The following CLPTM1L variants were observed in gnomAD, a reference collection of about 807,000 sequenced individuals.
CLPTM1L encodes CLPTM1 like.
A neutral mutation model predicts 70.9 loss-of-function variants in CLPTM1L; 38 were observed. The observed-to-expected ratio is 0.54, with a 90% CI of 0.41 to 0.70. The LOEUF is 0.70. CLPTM1L is among the 30% of genes least tolerant of loss of function. The pLI is 0.00. For synonymous variants in CLPTM1L, 339 were observed against 299.9 expected, an observed-to-expected ratio of 1.13 and a Z score of -1.35; for missense variants, 652 against 705.9, an observed-to-expected ratio of 0.92 and a Z score of 0.87.
chr5:1,341,871 A>G lies in CLPTM1L; in HGVS notation c.264-11T>C. On this transcript the variant is annotated splice_polypyrimidine_tract_variant and intron_variant, in intron 2 of 16. Transcript: ENST00000320895. ...GAAACATTAACTGTCCTGAAACAGA[A>G]CAATCATTTCCACTACATACATATT... is the stretch of plus-strand genomic sequence containing the variant. 6.2e-7 allele frequency: 1 copy of G among 1,602,588 alleles called. No individual in the cohort carries two copies. The highest frequency in any genetic ancestry group is 1.3e-5 in the African/African-American group (1 of 74,854).
chr5:1,335,158 G>A lies in CLPTM1L; in HGVS notation c.695C>T (p.Thr232Ile). 6.2e-7 allele frequency: 1 copy of A among 1,613,612 alleles called. No homozygotes were observed. Among genetic ancestry groups the A allele is most frequent in the Non-Finnish European group, 8.5e-7 (1 of 1,179,980 alleles). ...GGACACGGTGAGGGGCAGCTCGGTG[G>A]TGGAGCGGTTTATGACCTGATGAAG... ...VKDLMVINRS[T>I]TELPLTVSYD... The change falls in exon 6 of 17, where the codon ACC (threonine) becomes ATC (isoleucine). Residue 232 changes from threonine to isoleucine, a missense_variant. Around this residue, in one of 3 missense-constraint regions of CLPTM1L, gnomAD observed 402 missense variants for 388.2 expected, o/e 1.04. Coordinates refer to ENST00000320895, the MANE Select transcript of CLPTM1L (RefSeq NM_030782.5).
intron 1 of CLPTM1L, 103 bp downstream of exon 1, chr5:1,344,577 C>G: frequency 4.1e-6 from 6 of 1,463,096 alleles, no homozygotes; most frequent in Non-Finnish European, 5.6e-6. Context: ...CATCTCGACT[C>G]GCGCGGCCAC....
At position 1,318,510 on chromosome 5, in the gene CLPTM1L, AGAG is replaced by A; in HGVS notation, c.1533-60_1533-58del. 7.1e-7 allele frequency: 1 copy of A among 1,409,222 alleles called. No individual in the cohort carries two copies. The highest frequency in any genetic ancestry group is 1.0e-6 in the Non-Finnish European group (1 of 1,000,252). The allele number at this position is 1,409,222 out of a possible 1,614,324, so 87.3% of individuals were successfully genotyped here. Reference sequence around the variant, plus strand: ...CCCCACTGCAGGGGCTATTTTTCTAAGAGGAGGACTTGGCATCCTCGATTTATT... The same window carrying A: ...CCCCACTGCAGGGGCTATTTTTCTAAGAGGACTTGGCATCCTCGATTTATT... On this transcript the variant is annotated intron_variant, in intron 16 of 16. Transcript: ENST00000320895. The surrounding 1 kb of genome is among the most constrained non-coding windows in gnomAD (Gnocchi z 8.9).
chr5:1,338,362 C>A (rs950800633), intron 4 of CLPTM1L: 10 of 293,802 alleles, frequency 3.4e-5, no homozygotes, highest in Admixed American at 3.3e-4. Flanking sequence ...CTTGGAAGGG[C>A]GAGTCACCTG....
rs1754164587 is a variant in CLPTM1L, at chr5:1,344,685, G to A, written c.157C>T (p.Leu53=). Residue 53 remains leucine (L), a synonymous_variant, in exon 1 of 17, where the codon CTG becomes TTG. Transcript: ENST00000320895. ...IQPYLARRPK[L]QLSVYTTTRS... Reference sequence around the variant, plus strand: ...CCGGCCCCGCGGACGCTCACCTGCAGCTTGGGCCGCCGCGCCAGGTAGGGC... The same window carrying A: ...CCGGCCCCGCGGACGCTCACCTGCAACTTGGGCCGCCGCGCCAGGTAGGGC... The A allele has an allele frequency of 6.4e-7, 1 of 1,558,944 alleles. No individual in the cohort carries two copies. The highest frequency in any genetic ancestry group is 8.7e-7 in the Non-Finnish European group (1 of 1,153,056).
Position 1,318,589 on chromosome 5 carries a change from G to C in CLPTM1L, c.1533-136C>G. ...AATTAACTAAAAAGTCGAATCCTCA[G>C]AAGTTTTACTGCCGAGGGCTGAGGA... On this transcript the variant is annotated intron_variant, in intron 16 of 16. Coordinates refer to ENST00000320895, the MANE Select transcript of CLPTM1L (RefSeq NM_030782.5). The surrounding 1 kb of genome is among the most constrained non-coding windows in gnomAD (Gnocchi z 8.9). The C allele has an allele frequency of 1.4e-6, 1 of 703,132 alleles. No individual in the cohort carries two copies. The highest frequency in any genetic ancestry group is 2.4e-6 in the Non-Finnish European group (1 of 409,714). The allele number at this position is 703,132 out of a possible 1,614,324, so 43.6% of individuals were successfully genotyped here. A position where few individuals can be genotyped will look rare whatever the true frequency, so the allele number is the denominator to read the frequency against.
chr5:1,335,556 G>A (rs1329259001), intron 5 of CLPTM1L, among the ~76,000 whole-genome samples: 1 of 152,276 alleles, frequency 6.6e-6, no homozygotes, highest in Non-Finnish European at 1.5e-5. Flanking sequence ...GGCCTGCAGA[G>A]CCCTGGCCTG....
intron 10 of CLPTM1L, chr5:1,325,426 C>T: frequency 4.9e-6 from 2 of 406,412 alleles, no homozygotes; most frequent in Non-Finnish European, 8.9e-6. Flanking sequence ...CCCCAGTCAG[C>T]ACCAGCCTCG....
At position 1,318,556 on chromosome 5, in the gene CLPTM1L, A is replaced by G. The variant is rs1323003960; in HGVS notation, c.1533-103T>C. ...GATTTATTTTCCAGTGAGCTGCCAC[A>G]GTGAGCAAATTAACTAAAAAGTCGA... On this transcript the variant is annotated intron_variant, in intron 16 of 16. Coordinates refer to ENST00000320895, the MANE Select transcript of CLPTM1L (RefSeq NM_030782.5). This position sits in a 1 kb window ranked among gnomAD's most constrained non-coding sequence, Gnocchi z 8.9. The G allele has an allele frequency of 1.1e-6, 1 of 917,630 alleles. No individual in the cohort carries two copies. The highest frequency in any genetic ancestry group is 2.5e-5 in the East Asian group (1 of 39,676). The allele number at this position is 917,630 out of a possible 1,614,324, so 56.8% of individuals were successfully genotyped here.
intron 10 of CLPTM1L, 169 bp from the exon 11 acceptor site, chr5:1,324,982 G>T: frequency 1.6e-6 from 1 of 631,300 alleles, no homozygotes; most frequent in South Asian, 1.9e-5. Context: ...ACGGGGATCC[G>T]CATGGATCCT....
At chr5:1,321,871 T>C in intron 13 of CLPTM1L, 52 bp from the exon 14 acceptor site, 2 of 1,543,600 alleles carry the variant, frequency 1.3e-6, no homozygotes, top group Non-Finnish European at 1.8e-6. Flanking sequence ...GGCTGCCACA[T>C]CTACGCACAG....
chr5:1,341,082 C>G (rs1026656273), intron 3 of CLPTM1L, among the ~76,000 whole-genome samples: 2 of 152,228 alleles, frequency 1.3e-5, no homozygotes, highest in African/African-American at 4.8e-5. Flanking sequence ...TGTAAATTAT[C>G]TCACCTTCCA....
chr5:1,329,086 G>A (rs941256099), intron 9 of CLPTM1L, among the ~76,000 whole-genome samples: 2 of 152,268 alleles, frequency 1.3e-5, no homozygotes, highest in African/African-American at 2.4e-5. Flanking sequence ...CTCAGACTCC[G>A]GCTCCTGCCG....
intron 13 of CLPTM1L, 182 bp downstream of exon 13, chr5:1,322,695 A>G (rs1752226984): frequency 1.5e-6 from 1 of 684,096 alleles, no homozygotes; most frequent in African/African-American, 1.8e-5. Context: ...GAAGCCACGC[A>G]GGGCTTTATC....
rs115694728 is a variant in CLPTM1L, at chr5:1,338,257, C to T, written c.600-275G>A. On this transcript the variant is annotated intron_variant, in intron 4 of 16. Coordinates refer to ENST00000320895, the MANE Select transcript of CLPTM1L (RefSeq NM_030782.5). ...TAGGAGCGGGGGAATTACAGGGACA[C>T]GGCCGTACAGCAGAACCCAGGGCCC... The T allele has an allele frequency of 2.5e-3, 1,288 of 525,696 alleles. 3 individuals are homozygous for T. The highest frequency in any genetic ancestry group is 3.3e-3 in the Non-Finnish European group (947 of 290,134). The allele number at this position is 525,696 out of a possible 1,614,324, so 32.6% of individuals were successfully genotyped here. A position where few individuals can be genotyped will look rare whatever the true frequency, so the allele number is the denominator to read the frequency against.
At position 1,342,935 on chromosome 5, in the gene CLPTM1L, G is replaced by A. The variant is rs1360562237; in HGVS notation, c.264-1075C>T. Among the ~76,000 whole-genome samples the A allele has an allele frequency of 6.6e-6, 1 of 152,226 alleles. No homozygotes were observed. Among genetic ancestry groups the A allele is most frequent in the Non-Finnish European group, 1.5e-5 (1 of 68,048 alleles). On this transcript the variant is annotated intron_variant, in intron 2 of 16. Coordinates refer to ENST00000320895, the MANE Select transcript of CLPTM1L (RefSeq NM_030782.5). The surrounding 1 kb of genome is among the most constrained non-coding windows in gnomAD (Gnocchi z 4.3). ...TGGCCGGGTGCGGCGGCTCACGCCT[G>A]TAATCCCAGCACCTTGGGAGGCCGA...
rs1341701830 is a variant in CLPTM1L, at chr5:1,333,052, C to A, written c.892-1169G>T. Among the ~76,000 whole-genome samples the A allele has an allele frequency of 8.8e-5, 10 of 113,096 alleles. No homozygotes were observed. The East Asian group carries it at 2.3e-3, about 26-fold the overall frequency. The allele number at this position is 113,096 out of a possible 152,430, so 74.2% of individuals were successfully genotyped here. A position where few individuals can be genotyped will look rare whatever the true frequency, so the allele number is the denominator to read the frequency against. On this transcript the variant is annotated intron_variant, in intron 7 of 16. Coordinates refer to ENST00000320895, the MANE Select transcript of CLPTM1L (RefSeq NM_030782.5). Reference sequence around the variant, plus strand: ...ATAAGGGGGGACTACTGTATACACACCGGATGAGGATAAGGGGGGACTACT... The same window carrying A: ...ATAAGGGGGGACTACTGTATACACAACGGATGAGGATAAGGGGGGACTACT...
intron 2 of CLPTM1L, 78 bp downstream of exon 2, chr5:1,344,273 T>C (rs1754131861): frequency 1.0e-6 from 1 of 962,154 alleles, no homozygotes. Flanking sequence ...ACATGTTATG[T>C]ACAGAAAGCT....
intron 5 of CLPTM1L, among the ~76,000 whole-genome samples, chr5:1,335,412 A>G (rs1184686638): frequency 6.6e-6 from 1 of 152,198 alleles, no homozygotes; most frequent in African/African-American, 2.4e-5. Context: ...TGAGCTCAGC[A>G]GCGCTAGCAG....
Sources: allele counts gnomAD v4.1 joint callset (sites outside exome capture counted in the v4.1 genomes callset), GRCh38; gene constraint gnomAD v4.1.1; regional missense constraint gnomAD v4.1.1; non-coding constraint Gnocchi (gnomAD v3.1); transcripts MANE v1.5; gene names NCBI Gene and HGNC (gene_info 2026-07-23, HGNC 2026-07-21).